Variants in FGFBP1 observed in about 807,000 individuals in gnomAD.
FGFBP1 encodes the protein fibroblast growth factor-binding protein 1.
In FGFBP1, 12 loss-of-function variants were observed where a neutral mutation model predicts 14.6. The observed-to-expected ratio is 0.82, with a 90% CI of 0.53 to 1.33. The LOEUF is 1.33. FGFBP1 is among the 40% of genes most tolerant of loss of function. FGFBP1 has a pLI of 0.00. For synonymous variants in FGFBP1, 117 were observed against 105.0 expected (o/e 1.11, Z -0.70); for missense variants, 317 against 271.8 (o/e 1.17, Z -1.17).
rs1313422085 is a variant in FGFBP1 at position 15,936,136 on chromosome 4, G to A, written c.497C>T (p.Thr166Ile). 1.2e-6 allele frequency: 2 copies of A among 1,614,052 alleles called. No homozygotes were observed. The highest frequency in any genetic ancestry group is 2.2e-5 in the South Asian group (2 of 91,076). ...GATGTGCTCCCTGGGGGACATCTCTGTTTTCTCCTTCCTGGGCTTTGTGTT... is the reference window on the plus strand; with the variant it reads ...GATGTGCTCCCTGGGGGACATCTCTATTTTCTCCTTCCTGGGCTTTGTGTT... ...FGNTKPRKEK[T>I]EMSPREHIKG... Residue 166 changes from threonine (T) to isoleucine (I), a missense_variant, in exon 3 of 3, where the codon ACA becomes ATA. Physicochemically the swap from Thr to Ile is moderately conservative, Grantham distance 89. Coordinates refer to ENST00000382333, the MANE Select transcript of FGFBP1 (RefSeq NM_005130.5).
chr4:15,937,639 A>G (rs1409613897), intron 2 of FGFBP1, among the ~76,000 whole-genome samples: 6 of 152,202 alleles, frequency 3.9e-5, no homozygotes, highest in Non-Finnish European at 8.8e-5. Context: ...TGAAATCCAC[A>G]CAAGAGCTCT....
At position 15,936,438 on chromosome 4, in the gene FGFBP1, T is replaced by G; in HGVS notation, c.195A>C (p.Gln65His). 2 of 1,614,218 alleles carry G rather than the reference T, an allele frequency of 1.2e-6. No homozygotes were observed. The stretch of plus-strand genomic sequence containing the variant: ...CAGTAGCAGCCCATCTGCAGTTGGC[T>G]TGGTCTTTGGTGACAAACTTGCCTT... ...GNKGKFVTKD[Q>H]ANCRWAATEQ... Residue 65 changes from glutamine (Q) to histidine (H), a missense_variant, in exon 3 of 3, where the codon CAA (glutamine) becomes CAC (histidine). Gln to His is a conservative substitution (Grantham distance 24, BLOSUM62 0). Transcript: ENST00000382333.
chr4:15,935,700 G>T lies in FGFBP1; in HGVS notation c.*228C>A. Reference sequence around the variant, plus strand: ...CGCTGCTCAAACACATAGCTGTGTGGGCCATGGAAATACATGCTGCAGGAA... The same window carrying T: ...CGCTGCTCAAACACATAGCTGTGTGTGCCATGGAAATACATGCTGCAGGAA... On this transcript the variant is annotated 3_prime_UTR_variant, in exon 3 of 3. Coordinates refer to ENST00000382333, the MANE Select transcript of FGFBP1 (RefSeq NM_005130.5). 1 of 421,202 alleles carries T rather than the reference G, an allele frequency of 2.4e-6. No individual in the cohort carries two copies. The highest frequency in any genetic ancestry group is 4.2e-6 in the Non-Finnish European group (1 of 238,826). 26.1% of individuals were successfully genotyped at this position (421,202 alleles called of 1,614,324 possible). A position where few individuals can be genotyped will look rare whatever the true frequency, so the allele number is the denominator to read the frequency against.
At position 15,937,094 on chromosome 4, in the gene FGFBP1, G is replaced by A. The variant is rs141465351; in HGVS notation, c.-20-442C>T. On this transcript the variant is annotated intron_variant, in intron 2 of 2. Transcript: ENST00000382333. ...TAGCATTGATCAGGGAATCTATCCC[G>A]TCATCTCTGTTTCTGATATGAAACA... Among the ~76,000 whole-genome samples the A allele has an allele frequency of 1.1e-4, 16 of 152,248 alleles. No homozygotes were observed. The East Asian group carries it at 1.2e-3, about 11-fold the overall frequency.
intron 2 of FGFBP1, 29 bp from the exon 3 acceptor site, chr4:15,936,681 G>A (rs766316753): frequency 7.2e-7 from 1 of 1,397,858 alleles, no homozygotes; most frequent in Middle Eastern, 2.5e-4. Flanking sequence ...GTGAGTCAGT[G>A]GCAGGCAGCA....
chr4:15,936,478 CT>C lies in FGFBP1; in HGVS notation c.154del (p.Ser52AlafsTer53). 2 of 1,614,202 alleles carry C rather than the reference CT, an allele frequency of 1.2e-6. No homozygotes were observed. Among genetic ancestry groups the C allele is most frequent in the Non-Finnish European group, 8.5e-7 (1 of 1,180,026 alleles). On this transcript the variant is annotated frameshift_variant, in exon 3 of 3. Transcript: ENST00000382333. LOFTEE classifies it high-confidence loss of function. ...AAACTTGCCTTTGTTCCCGGGCCTGCTTTTCTGCTTAATCTGGGTGTTGCCC... is the reference window on the plus strand; with the variant it reads ...AAACTTGCCTTTGTTCCCGGGCCTGCTTTCTGCTTAATCTGGGTGTTGCCC... Reference protein sequence around the residue: ...TLGNTQIKQKSRPGNKGKFVT... With the variant: ...TLGNTQIKQKXRPGNKGKFVT...
chr4:15,936,740 G>A, intron 2 of FGFBP1, 88 bp from the exon 3 acceptor site: 1 of 754,902 alleles, frequency 1.3e-6, no homozygotes, highest in Non-Finnish European at 2.1e-6. Flanking sequence ...CCTGACAGGT[G>A]CCTACATGAT....
chr4:15,935,869 T>C lies in FGFBP1; in HGVS notation c.*59A>G. 9.0e-7 allele frequency: 1 copy of C among 1,110,406 alleles called. No homozygotes were observed. Among genetic ancestry groups the C allele is most frequent in the African/African-American group, 1.6e-5 (1 of 64,300 alleles). 68.8% of individuals were successfully genotyped at this position (1,110,406 alleles called of 1,614,324 possible). On this transcript the variant is annotated 3_prime_UTR_variant, in exon 3 of 3. Coordinates refer to ENST00000382333, the MANE Select transcript of FGFBP1 (RefSeq NM_005130.5). ...GGGGGGACTGTAGAGAGCTTTAAAG[T>C]ATACAGAGGGACTTACGACATGACA...
chr4:15,937,182 C>A (rs1712518187), intron 2 of FGFBP1, among the ~76,000 whole-genome samples: 1 of 151,730 alleles, frequency 6.6e-6, no homozygotes, highest in Non-Finnish European at 1.5e-5. Context: ...TCCATATGGA[C>A]ACAGATGCCC....
chr4:15,936,776 G>T, intron 2 of FGFBP1, 124 bp from the exon 3 acceptor site: 2 of 601,400 alleles, frequency 3.3e-6, no homozygotes, highest in South Asian at 2.2e-5. Context: ...GAACGCTTCT[G>T]GCTCCTGGAG....
rs1712456614 is a variant in FGFBP1 at position 15,935,657 on chromosome 4, T to C, written c.*271A>G. The C allele has an allele frequency of 3.1e-6, 1 of 318,424 alleles. No individual in the cohort carries two copies. The highest frequency in any genetic ancestry group is 5.7e-6 in the Non-Finnish European group (1 of 175,412). 19.7% of individuals were successfully genotyped at this position (318,424 alleles called of 1,614,324 possible). On this transcript the variant is annotated 3_prime_UTR_variant, in exon 3 of 3. Coordinates refer to ENST00000382333, the MANE Select transcript of FGFBP1 (RefSeq NM_005130.5). ...GCACTGAAATTATCACTCTGGCTCA[T>C]TCAGCTCAAAGACTCTTCGCTGCTC...
chr4:15,938,676 G>C lies in FGFBP1; in HGVS notation c.-242+11C>G, dbSNP rs1712556001. On this transcript the variant is annotated intron_variant, in intron 1 of 2. Coordinates refer to ENST00000382333, the MANE Select transcript of FGFBP1 (RefSeq NM_005130.5). ...ATGATCCGAGCTGCCAAACTACTGAGCCCATTTTACCTGAGTTCTCCTTTT... is the reference window on the plus strand; with the variant it reads ...ATGATCCGAGCTGCCAAACTACTGACCCCATTTTACCTGAGTTCTCCTTTT... 4 of 152,288 alleles carry C rather than the reference G, an allele frequency of 2.6e-5. No homozygotes were observed. The highest frequency in any genetic ancestry group is 2.4e-5 in the African/African-American group (1 of 41,548). The allele number at this position is 152,288 out of a possible 1,614,324, so 9.4% of individuals were successfully genotyped here.
At chr4:15,936,858 C>T (rs897595877) in intron 2 of FGFBP1, among the ~76,000 whole-genome samples, 2 of 152,192 alleles carry the variant, frequency 1.3e-5, no homozygotes, top group Non-Finnish European at 2.9e-5. Context: ...AAGTACCACT[C>T]TTTGGAGCCT....
Position 15,936,665 on chromosome 4 carries a change from A to C in FGFBP1, c.-20-13T>G, listed in dbSNP as rs1486395047. 2 of 1,516,986 alleles carry C rather than the reference A, an allele frequency of 1.3e-6. No homozygotes were observed. The highest frequency in any genetic ancestry group is 1.8e-6 in the Non-Finnish European group (2 of 1,115,288). 94.0% of individuals were successfully genotyped at this position (1,516,986 alleles called of 1,614,324 possible). On this transcript the variant is annotated splice_polypyrimidine_tract_variant and intron_variant, in intron 2 of 2. Coordinates refer to ENST00000382333, the MANE Select transcript of FGFBP1 (RefSeq NM_005130.5). ...GCTGGGCGTTCACCTGTTTGACAAA[A>C]GGCAAGTGAGTCAGTGGCAGGCAGC...
rs565159838 is a variant in FGFBP1 at position 15,935,695 on chromosome 4, G to C, written c.*233C>G. 4.8e-6 allele frequency: 2 copies of C among 412,690 alleles called. No individual in the cohort carries two copies. Among genetic ancestry groups the C allele is most frequent in the Non-Finnish European group, 8.6e-6 (2 of 233,710 alleles). The allele number at this position is 412,690 out of a possible 1,614,324, so 25.6% of individuals were successfully genotyped here. ...CTCTTCGCTGCTCAAACACATAGCT[G>C]TGTGGGCCATGGAAATACATGCTGC... On this transcript the variant is annotated 3_prime_UTR_variant, in exon 3 of 3. Transcript: ENST00000382333.
Position 15,936,343 on chromosome 4 carries a change from G to T in FGFBP1, c.290C>A (p.Ala97Asp), listed in dbSNP as rs1162516868. 2 of 1,614,224 alleles carry T rather than the reference G, an allele frequency of 1.2e-6. No homozygotes were observed. Among genetic ancestry groups the T allele is most frequent in the African/African-American group, 2.7e-5 (2 of 75,062 alleles). The part of the protein sequence containing the change: ...QLDHEFSCVF[A>D]GNPTSCLKLK... Reference sequence around the variant, plus strand: ...CTTTAGGCATGAGGTTGGATTGCCAGCAAAGACACAGGAAAATTCATGGTC... The same window carrying T: ...CTTTAGGCATGAGGTTGGATTGCCATCAAAGACACAGGAAAATTCATGGTC... Residue 97 changes from alanine to aspartate, a missense_variant, in exon 3 of 3, where the codon GCT becomes GAT. Coordinates refer to ENST00000382333, the MANE Select transcript of FGFBP1 (RefSeq NM_005130.5).
rs1293535166 is a variant in FGFBP1 at position 15,936,652 on chromosome 4, C to T, written c.-20G>A. 3 of 1,572,924 alleles carry T rather than the reference C, an allele frequency of 1.9e-6. No homozygotes were observed. The highest frequency in any genetic ancestry group is 2.6e-6 in the Non-Finnish European group (3 of 1,159,718). ...CTTCATGGCTGCAGCTGGGCGTTCA[C>T]CTGTTTGACAAAAGGCAAGTGAGTC... On this transcript the variant is annotated splice_region_variant and 5_prime_UTR_variant, in exon 3 of 3. In the 5' UTR this introduces an upstream ATG that the reference lacks. Coordinates refer to ENST00000382333, the MANE Select transcript of FGFBP1 (RefSeq NM_005130.5).
Position 15,936,474 on chromosome 4 carries a change from C to T in FGFBP1, c.159G>A (p.Arg53=). The T allele has an allele frequency of 1.2e-6, 2 of 1,614,154 alleles. No individual in the cohort carries two copies. The highest frequency in any genetic ancestry group is 1.1e-5 in the South Asian group (1 of 91,088). The change falls in exon 3 of 3, where the codon AGG becomes AGA. Residue 53 remains arginine (R), a synonymous_variant. Coordinates refer to ENST00000382333, the MANE Select transcript of FGFBP1 (RefSeq NM_005130.5). ...TGACAAACTTGCCTTTGTTCCCGGG[C>T]CTGCTTTTCTGCTTAATCTGGGTGT... ...LGNTQIKQKS[R]PGNKGKFVTK...
At chr4:15,936,910 C>T (rs1206595887) in intron 2 of FGFBP1, among the ~76,000 whole-genome samples, 3 of 152,182 alleles carry the variant, frequency 2.0e-5, no homozygotes, top group Non-Finnish European at 4.4e-5. Flanking sequence ...TTAACTCCTG[C>T]ATCTGCTCAC....
Sources: gnomAD v4.1 joint callset for allele counts (sites outside exome capture counted in the v4.1 genomes callset) on GRCh38, gnomAD v4.1.1 for gene constraint, MANE v1.5 for transcripts, NCBI Gene and HGNC (gene_info 2026-07-23, HGNC 2026-07-21) for gene names.